The following AFG2A variants were observed in gnomAD, a reference collection of about 807,000 sequenced individuals.
AFG2A encodes the protein AAA ATPase AFG2A, also known as ATPase family gene 2 protein homolog A.
chr4:123,076,282 A>G, the AFG2A span, among the ~76,000 whole-genome samples: 1,383 of 152,142 alleles, frequency 9.1e-3, 9 homozygotes, highest in Non-Finnish European at 0.014. Context: ...AAAAGGCTGC[A>G]TGAAAAGTTT....
At chr4:123,167,408 C>T in the AFG2A span, among the ~76,000 whole-genome samples, 3 of 151,764 alleles carry the variant, frequency 2.0e-5, no homozygotes, top group African/African-American at 4.8e-5. Flanking sequence ...AGTGCAGTGG[C>T]ACGATTTCGG....
chr4:123,007,643 A>C, the AFG2A span, among the ~76,000 whole-genome samples: 6 of 7,928 alleles, frequency 7.6e-4, no homozygotes, highest in Non-Finnish European at 1.6e-3. Flanking sequence ...CACACACACA[A>C]CACACACACA....
chr4:122,936,180 TG>T, the AFG2A span: 1 of 1,577,336 alleles, frequency 6.3e-7, no homozygotes, highest in Non-Finnish European at 8.6e-7. Context: ...TTAAATGTTT[TG>T]GAATTAATAA....
chr4:123,069,475 T>C, the AFG2A span, among the ~76,000 whole-genome samples: 1 of 152,210 alleles, frequency 6.6e-6, no homozygotes, highest in Middle Eastern at 3.4e-3. Context: ...AAAGCTGAGT[T>C]GACTGGGAAT....
the AFG2A span, among the ~76,000 whole-genome samples, chr4:123,236,129 T>C: frequency 1.8e-4 from 27 of 152,304 alleles, no homozygotes; most frequent in Admixed American, 5.9e-4. Flanking sequence ...TACACTCTCC[T>C]GAAAATACAA....
chr4:123,311,639 AAAAAAAAAAAAAAAAAAG>A, the AFG2A span, among the ~76,000 whole-genome samples: 1 of 96,326 alleles, frequency 1.0e-5, no homozygotes, highest in Admixed American at 9.2e-5. Context: ...AAAAAAAAAA[AAAAAAAAAAAAAAAAAAG>A]AGAGAGAAAA....
the AFG2A span, among the ~76,000 whole-genome samples, chr4:123,035,441 G>C: frequency 1.3e-5 from 2 of 151,618 alleles, no homozygotes; most frequent in South Asian, 2.1e-4. Context: ...TGCTTAAATC[G>C]GCAGTTATTA....
At chr4:123,235,336 TAA>T in the AFG2A span, among the ~76,000 whole-genome samples, 3 of 152,124 alleles carry the variant, frequency 2.0e-5, no homozygotes, top group Non-Finnish European at 4.4e-5. Context: ...GACTAAACAT[TAA>T]AAAATGGGGG....
the AFG2A span, among the ~76,000 whole-genome samples, chr4:123,086,232 A>C: frequency 1.3e-5 from 2 of 152,120 alleles, no homozygotes; most frequent in Admixed American, 1.3e-4. Flanking sequence ...CTGGCAACAA[A>C]TTCCTTATTT....
the AFG2A span, among the ~76,000 whole-genome samples, chr4:122,961,662 G>A: frequency 6.6e-6 from 1 of 152,058 alleles, no homozygotes; most frequent in Non-Finnish European, 1.5e-5. Flanking sequence ...GCACTACAAC[G>A]CCTGGCTAAT....
chr4:123,263,819 A>G, the AFG2A span, among the ~76,000 whole-genome samples: 1 of 152,202 alleles, frequency 6.6e-6, no homozygotes, highest in South Asian at 2.1e-4. Flanking sequence ...TTAAAGAACT[A>G]AAAGTAGAAC....
the AFG2A span, among the ~76,000 whole-genome samples, chr4:123,252,004 A>C: frequency 1.3e-5 from 2 of 152,110 alleles, no homozygotes; most frequent in Non-Finnish European, 2.9e-5. Flanking sequence ...GAAAAGAAAT[A>C]TTAGTTTTTG....
the AFG2A span, among the ~76,000 whole-genome samples, chr4:123,209,417 A>G: frequency 6.6e-6 from 1 of 151,942 alleles, no homozygotes; most frequent in Non-Finnish European, 1.5e-5. Context: ...AGAGGGAAAA[A>G]AATTTTTTTT....
the AFG2A span, among the ~76,000 whole-genome samples, chr4:123,122,538 T>A: frequency 6.6e-6 from 1 of 152,216 alleles, no homozygotes; most frequent in African/African-American, 2.4e-5. Flanking sequence ...TCTGAACATG[T>A]ATCACTTTCA....
At chr4:123,091,129 C>T in the AFG2A span, among the ~76,000 whole-genome samples, 4 of 152,166 alleles carry the variant, frequency 2.6e-5, no homozygotes, top group African/African-American at 9.7e-5. Flanking sequence ...GGAGGACATC[C>T]TGTTTTTAGG....
At chr4:123,126,937 A>C in the AFG2A span, among the ~76,000 whole-genome samples, 1 of 152,188 alleles carries the variant, frequency 6.6e-6, no homozygotes, top group African/African-American at 2.4e-5. Flanking sequence ...ATAAGACTAC[A>C]TGGCCAAGTG....
the AFG2A span, among the ~76,000 whole-genome samples, chr4:122,976,098 TGTATTGAG>T: frequency 6.6e-6 from 1 of 152,140 alleles, no homozygotes; most frequent in Non-Finnish European, 1.5e-5. Flanking sequence ...TTAGTAAAAA[TGTATTGAG>T]GTATAGTGTT....
the AFG2A span, among the ~76,000 whole-genome samples, chr4:123,234,552 CCTCAGTCTT>C: frequency 6.6e-6 from 1 of 152,064 alleles, no homozygotes; most frequent in South Asian, 2.1e-4. Context: ...CCTCCATGGG[CCTCAGTCTT>C]CTCAGTAAAT....
the AFG2A span, among the ~76,000 whole-genome samples, chr4:122,999,916 G>A: frequency 6.6e-6 from 1 of 151,954 alleles, no homozygotes; most frequent in Non-Finnish European, 1.5e-5. Flanking sequence ...CCATTTTCAC[G>A]ATATTGATTC....
Sources: allele counts gnomAD v4.1 joint callset (sites outside exome capture counted in the v4.1 genomes callset), GRCh38; gene constraint gnomAD v4.1.1; transcripts MANE v1.5; gene names NCBI Gene and HGNC (gene_info 2026-07-23, HGNC 2026-07-21).